Variants in CD83 observed in about 807,000 individuals in gnomAD.
CD83 encodes CD83 molecule, also known as CD83 antigen.
A neutral mutation model predicts 24.6 loss-of-function variants in CD83; 22 were observed. The ratio of observed to expected loss-of-function variants is 0.90; its 90% CI spans 0.64 to 1.28. The LOEUF (loss-of-function observed/expected upper bound fraction) is 1.28. CD83 is among the 50% of genes most tolerant of loss of function. The pLI is 0.00. For missense variants in CD83, 253 were observed against 252.8 expected (o/e 1.00, Z -0.01); for synonymous variants, 101 against 103.5 (o/e 0.98, Z 0.14).
At position 14,135,617 on chromosome 6, in the gene CD83, C is replaced by T; in HGVS notation, c.*381C>T. On this transcript the variant is annotated 3_prime_UTR_variant, in exon 5 of 5. Transcript: ENST00000379153. ...GACTCCTGAGGACAGCTGTCCTCTT[C>T]TGCATCTTGGGGACATCTCTTTGAA... 1 of 174,200 alleles carries T rather than the reference C, an allele frequency of 5.7e-6. No homozygotes were observed. The highest frequency in any genetic ancestry group is 1.2e-5 in the Non-Finnish European group (1 of 82,154). 10.8% of individuals were successfully genotyped at this position (174,200 alleles called of 1,614,324 possible).
intron 2 of CD83, among the ~76,000 whole-genome samples, chr6:14,122,432 A>G (rs1581327145): frequency 6.6e-6 from 1 of 152,188 alleles, no homozygotes; most frequent in South Asian, 2.1e-4. Flanking sequence ...CCTAGAGTTG[A>G]TAAGCGGTTG....
upstream of CD83, chr6:14,117,667 G>C (rs1759561574): frequency 1.9e-6 from 1 of 520,786 alleles, no homozygotes; most frequent in Non-Finnish European, 3.2e-6. This position sits in a 1 kb window ranked among gnomAD's most constrained non-coding sequence, Gnocchi z 4.6. Flanking sequence ...GGGACTAGGA[G>C]GGCGCGCCAC....
chr6:14,127,512 T>C (rs964375104), intron 2 of CD83, among the ~76,000 whole-genome samples: 1 of 152,076 alleles, frequency 6.6e-6, no homozygotes, highest in African/African-American at 2.4e-5. Flanking sequence ...TAATGATTTA[T>C]TTTATGTCTT....
rs1371687586 is a variant in CD83, at chr6:14,136,086, T to TC, written c.*853dup. 6.6e-6 allele frequency: 1 copy of TC among 152,264 alleles called. No individual in the cohort carries two copies. Among genetic ancestry groups the TC allele is most frequent in the African/African-American group, 2.4e-5 (1 of 41,462 alleles). 9.4% of individuals were successfully genotyped at this position (152,264 alleles called of 1,614,324 possible). On this transcript the variant is annotated 3_prime_UTR_variant, in exon 5 of 5. Transcript: ENST00000379153. The stretch of plus-strand genomic sequence containing the variant: ...TGCAGTCTGGGTGCTCGCCCACTTG[T>TC]CCCACTATCTGGGTGCATGATCTTG...
rs956377592 is a variant in CD83 at position 14,135,472 on chromosome 6, C to T, written c.*236C>T. On this transcript the variant is annotated 3_prime_UTR_variant, in exon 5 of 5. Coordinates refer to ENST00000379153, the MANE Select transcript of CD83 (RefSeq NM_004233.4). Reference sequence around the variant, plus strand: ...TGCTTCTCCATGGCCACCTTTTCAGCGATGTATGCAGCTATCTGGTCAACC... The same window carrying T: ...TGCTTCTCCATGGCCACCTTTTCAGTGATGTATGCAGCTATCTGGTCAACC... 3.5e-5 allele frequency: 17 copies of T among 481,458 alleles called. No homozygotes were observed. The highest frequency in any genetic ancestry group is 1.5e-4 in the African/African-American group (8 of 52,232). The allele number at this position is 481,458 out of a possible 1,614,324, so 29.8% of individuals were successfully genotyped here.
At position 14,117,797 on chromosome 6, in the gene CD83, C is replaced by T. The variant is rs760513345; in HGVS notation, c.-15C>T. 12 of 1,519,128 alleles carry T rather than the reference C, an allele frequency of 7.9e-6. No homozygotes were observed. Among genetic ancestry groups the T allele is most frequent in the African/African-American group, 2.8e-5 (2 of 71,698 alleles). 94.1% of individuals were successfully genotyped at this position (1,519,128 alleles called of 1,614,324 possible). ...ACAGCTCTGCAGCTCGTGGCAGCGG[C>T]GCAGCGCTCCAGCCATGTCGCGCGG... On this transcript the variant is annotated 5_prime_UTR_variant, in exon 1 of 5. Transcript: ENST00000379153. The surrounding 1 kb of genome is among the most constrained non-coding windows in gnomAD (Gnocchi z 4.6).
At chr6:14,133,277 G>A (rs962977504) in intron 3 of CD83, among the ~76,000 whole-genome samples, 1 of 152,212 alleles carries the variant, frequency 6.6e-6, no homozygotes, top group African/African-American at 2.4e-5. Flanking sequence ...GCCAGGAAAG[G>A]CTTGACATCC....
chr6:14,122,446 C>T (rs150418922), intron 2 of CD83, among the ~76,000 whole-genome samples: 2 of 152,248 alleles, frequency 1.3e-5, no homozygotes, highest in African/African-American at 4.8e-5. Context: ...GCGGTTGGGG[C>T]AGATGTAATC....
Position 14,133,763 on chromosome 6 carries a change from T to A in CD83, c.489+8T>A. 6.4e-7 allele frequency: 1 copy of A among 1,560,750 alleles called. No homozygotes were observed. Reference sequence around the variant, plus strand: ...CTCATCATTTTCACTTGTGTAAGTATCTTCTTAAAACATCTTCTCTTATTA... The same window carrying A: ...CTCATCATTTTCACTTGTGTAAGTAACTTCTTAAAACATCTTCTCTTATTA... On this transcript the variant is annotated splice_region_variant and intron_variant, in intron 4 of 4. Coordinates refer to ENST00000379153, the MANE Select transcript of CD83 (RefSeq NM_004233.4).
chr6:14,132,039 G>A (rs1466227593), intron 3 of CD83, among the ~76,000 whole-genome samples: 2 of 152,150 alleles, frequency 1.3e-5, no homozygotes, highest in African/African-American at 4.8e-5. Flanking sequence ...CTTCTGTCAG[G>A]GATCTGAAAG....
intron 4 of CD83, among the ~76,000 whole-genome samples, chr6:14,134,311 C>G (rs9476513): frequency 0.018 from 2,792 of 152,316 alleles, 89 homozygotes; most frequent in African/African-American, 0.064. Context: ...GGATGGCTGG[C>G]CGGTGCTCAG....
intron 4 of CD83, among the ~76,000 whole-genome samples, chr6:14,134,867 C>T (rs1158558403): frequency 6.6e-6 from 1 of 152,186 alleles, no homozygotes; most frequent in Admixed American, 6.5e-5. Flanking sequence ...CATTGACTTT[C>T]CATACAGAGA....
At position 14,133,471 on chromosome 6, in the gene CD83, G is replaced by A. The variant is rs982143435; in HGVS notation, c.383-178G>A. Among the ~76,000 whole-genome samples the A allele has an allele frequency of 2.1e-4, 32 of 152,240 alleles. 1 individual carries two copies. The highest frequency in any genetic ancestry group is 2.0e-3 in the Admixed American group (30 of 15,282). On this transcript the variant is annotated intron_variant, in intron 3 of 4. Coordinates refer to ENST00000379153, the MANE Select transcript of CD83 (RefSeq NM_004233.4). ...AGTCGCATGCAGCCAGACACAGAGC[G>A]ACAGTGCGCGCCGGCTGCTGCTGTC...
In CD83 at chr6:14,135,241, G is replaced by A. The variant is rs1280066499; in HGVS notation, c.*5G>A. The A allele has an allele frequency of 6.2e-7, 1 of 1,613,426 alleles. No individual in the cohort carries two copies. The highest frequency in any genetic ancestry group is 2.2e-5 in the East Asian group (1 of 44,860). ...CACAAGACAGAACTGGTATGAGCAG[G>A]ATTTCTGCAGGTTCTTCTTCCTGAA... On this transcript the variant is annotated 3_prime_UTR_variant, in exon 5 of 5. Coordinates refer to ENST00000379153, the MANE Select transcript of CD83 (RefSeq NM_004233.4).
intron 2 of CD83, among the ~76,000 whole-genome samples, chr6:14,123,065 C>A (rs1327708349): frequency 6.6e-6 from 1 of 151,946 alleles, no homozygotes; most frequent in Non-Finnish European, 1.5e-5. Context: ...CAGTAAGGAG[C>A]CATTGAAGGA....
chr6:14,129,749 T>G lies in CD83; in HGVS notation c.154-1771T>G, dbSNP rs1367275495. Among the ~76,000 whole-genome samples the G allele has an allele frequency of 1.3e-5, 2 of 152,124 alleles. No individual in the cohort carries two copies. The highest frequency in any genetic ancestry group is 3.9e-4 in the East Asian group (2 of 5,186). On this transcript the variant is annotated intron_variant, in intron 2 of 4. Coordinates refer to ENST00000379153, the MANE Select transcript of CD83 (RefSeq NM_004233.4). This position sits in a 1 kb window ranked among gnomAD's most constrained non-coding sequence, Gnocchi z 4.3. ...GTCTCTGTAGCCCACTCTACAGGAATGCTCACAAACACCAGGGCTGGAGCC... is the reference window on the plus strand; with the variant it reads ...GTCTCTGTAGCCCACTCTACAGGAAGGCTCACAAACACCAGGGCTGGAGCC...
At chr6:14,132,009 C>T (rs759474025) in intron 3 of CD83, among the ~76,000 whole-genome samples, 1 of 152,186 alleles carries the variant, frequency 6.6e-6, no homozygotes, top group African/African-American at 2.4e-5. Flanking sequence ...CCCCTGATTC[C>T]GTACAACCGT....
chr6:14,122,252 G>A (rs75691742), intron 2 of CD83, among the ~76,000 whole-genome samples: 1 of 152,166 alleles, frequency 6.6e-6, no homozygotes, highest in Non-Finnish European at 1.5e-5. Context: ...GGAAACTGTT[G>A]GAGAGCAGGT....
In CD83 at chr6:14,127,482, G is replaced by C. The variant is rs1759846242; in HGVS notation, c.154-4038G>C. The stretch of plus-strand genomic sequence containing the variant: ...TTCCACAATAGGATGTTTTAATATT[G>C]GTTCAGTTTCAGCCATAATTAATGA... On this transcript the variant is annotated intron_variant, in intron 2 of 4. Coordinates refer to ENST00000379153, the MANE Select transcript of CD83 (RefSeq NM_004233.4). 2.7e-5 allele frequency among the ~76,000 whole-genome samples: 4 copies of C among 150,894 alleles called. No homozygotes were observed. In the South Asian group the frequency reaches 8.4e-4, roughly 32 times the overall value.
Sources: gnomAD v4.1 joint callset for allele counts (sites outside exome capture counted in the v4.1 genomes callset) on GRCh38, gnomAD v4.1.1 for gene constraint, Gnocchi (gnomAD v3.1) non-coding constraint, MANE v1.5 for transcripts, NCBI Gene and HGNC (gene_info 2026-07-23, HGNC 2026-07-21) for gene names.